Variants in EFCAB6 observed in about 807,000 individuals in gnomAD.
EFCAB6 encodes EF-hand calcium binding domain 6, also known as EF-hand calcium-binding domain-containing protein 6.
In EFCAB6, 156 loss-of-function variants were observed where a neutral mutation model predicts 169.8. The ratio of observed to expected loss-of-function variants is 0.92; its 90% CI spans 0.81 to 1.05. The LOEUF (loss-of-function observed/expected upper bound fraction) is 1.05, where lower values mean the gene tolerates loss of function less well. Among genes scored for constraint, EFCAB6 ranks in the 50% least tolerant of loss-of-function variants. EFCAB6 has a pLI of 0.00. For missense variants in EFCAB6, 1,800 were observed against 1,829.1 expected, an observed-to-expected ratio of 0.98 and a Z score of 0.29; for synonymous variants, 698 against 676.4, an observed-to-expected ratio of 1.03 and a Z score of -0.50.
In EFCAB6 at chr22:43,528,905, G is replaced by A. The variant is rs369150113; in HGVS notation, c.4454C>T (p.Thr1485Met). ...GTTGTAGGAGATTTTTGAAGACAGCGTCTTATCGTAATACTCCAGAATATG... is the reference window on the plus strand; with the variant it reads ...GTTGTAGGAGATTTTTGAAGACAGCATCTTATCGTAATACTCCAGAATATG... ...FFHILEYYDKTLSSKISYNDF... is the reference protein window; with the variant it reads ...FFHILEYYDKMLSSKISYNDF... Residue 1485 changes from threonine (T) to methionine (M), a missense_variant, in exon 32 of 32, where the codon ACG (threonine) becomes ATG (methionine). By Grantham distance (81) the Thr-to-Met change is moderately conservative. Coordinates refer to ENST00000262726, the MANE Select transcript of EFCAB6 (RefSeq NM_022785.4). The A allele has an allele frequency of 1.3e-4, 206 of 1,611,598 alleles. 3 individuals carry two copies. In the Middle Eastern group the frequency reaches 1.5e-3, roughly 12 times the overall value.
In EFCAB6 at chr22:43,667,237, T is replaced by C. The variant is rs761963002; in HGVS notation, c.1850A>G (p.Lys617Arg). The C allele has an allele frequency of 6.2e-7, 1 of 1,614,136 alleles. No homozygotes were observed. The highest frequency in any genetic ancestry group is 8.5e-7 in the Non-Finnish European group (1 of 1,179,986). The change falls in exon 17 of 32, where the codon AAG (lysine) becomes AGG (arginine). Residue 617 changes from lysine to arginine, a missense_variant. Physicochemically the swap from Lys to Arg is conservative, Grantham distance 26. Transcript: ENST00000262726. ...AATCACTTCTTCTGTGGTCATCTTC[T>C]TGGTCAGGGTGGTTTTATCCTCCGT... ...KLTEDKTTLT[K>R]KMTTEEVIEK...
intron 2 of EFCAB6, among the ~76,000 whole-genome samples, chr22:43,784,675 A>ACACATATATATGTATATG: frequency 2.3e-5 from 1 of 43,088 alleles, no homozygotes; most frequent in Non-Finnish European, 4.5e-5. Context: ...ATATACATAT[A>ACACATATATATGTATATG]TACACACACA....
chr22:43,759,025 C>G (rs1234657464), intron 5 of EFCAB6, among the ~76,000 whole-genome samples: 1 of 152,214 alleles, frequency 6.6e-6, no homozygotes, highest in Non-Finnish European at 1.5e-5. Context: ...GAGTTCGACA[C>G]CAGCCTGACC....
intron 2 of EFCAB6, among the ~76,000 whole-genome samples, chr22:43,789,019 C>G (rs922014131): frequency 4.6e-5 from 7 of 152,094 alleles, no homozygotes; most frequent in Non-Finnish European, 8.8e-5. Context: ...ATGTCCATAA[C>G]AGGCAAATCT....
chr22:43,798,159 G>A (rs1219682937), intron 2 of EFCAB6, among the ~76,000 whole-genome samples: 1 of 152,054 alleles, frequency 6.6e-6, no homozygotes, highest in Admixed American at 6.6e-5. Context: ...GCCAAGACAG[G>A]TGAATCACAA....
Position 43,637,796 on chromosome 22 carries a change from G to A in EFCAB6, c.1984-2580C>T, listed in dbSNP as rs544951934. On this transcript the variant is annotated intron_variant, in intron 17 of 31. Transcript: ENST00000262726. ...GGCACTGGTGTTCAGGTAGAAAGCC[G>A]TGGCCCCCGCAGAAGCACACACAGC... Among the ~76,000 whole-genome samples, 10 of 152,334 alleles carry A rather than the reference G, an allele frequency of 6.6e-5. 2 individuals carry two copies. The highest frequency in any genetic ancestry group is 1.9e-4 in the African/African-American group (8 of 41,580).
At position 43,595,263 on chromosome 22, in the gene EFCAB6, G is replaced by T. The variant is rs564935435; in HGVS notation, c.2876+4806C>A. Among the ~76,000 whole-genome samples, 7 of 151,738 alleles carry T rather than the reference G, an allele frequency of 4.6e-5. No homozygotes were observed. In the South Asian group the frequency reaches 1.5e-3, roughly 32 times the overall value. ...CCAAACCTAAATTAGTAGAAAGGAA[G>T]AAATAAAATCAGAGCATAAATAAAT... On this transcript the variant is annotated intron_variant, in intron 23 of 31. Transcript: ENST00000262726.
chr22:43,632,297 T>C (rs1026075939), intron 18 of EFCAB6, 59 bp from the exon 19 acceptor site: 118 of 870,606 alleles, frequency 1.4e-4, no homozygotes, highest in South Asian at 8.5e-4. Flanking sequence ...ATTCCTTCTT[T>C]TTTTTTTTTT....
intron 17 of EFCAB6, among the ~76,000 whole-genome samples, chr22:43,663,608 A>C (rs1448922432): frequency 6.6e-6 from 1 of 152,214 alleles, no homozygotes; most frequent in East Asian, 1.9e-4. Flanking sequence ...AACCAGTGCA[A>C]ACTGGACTAA....
At chr22:43,538,951 C>A (rs2047539967) in intron 28 of EFCAB6, among the ~76,000 whole-genome samples, 1 of 152,182 alleles carries the variant, frequency 6.6e-6, no homozygotes. Flanking sequence ...GGGGAGAATC[C>A]ATTTTCTTGC....
intron 26 of EFCAB6, among the ~76,000 whole-genome samples, chr22:43,567,278 T>C (rs1389443735): frequency 6.6e-6 from 1 of 152,156 alleles, no homozygotes; most frequent in Non-Finnish European, 1.5e-5. Context: ...GGAATTGCCA[T>C]ACAATGCAAA....
chr22:43,637,405 T>C (rs927397030), intron 17 of EFCAB6, among the ~76,000 whole-genome samples: 1 of 152,254 alleles, frequency 6.6e-6, no homozygotes, highest in African/African-American at 2.4e-5. Flanking sequence ...CTGGCCCCTG[T>C]GGCTTATTCT....
chr22:43,667,674 T>C (rs910588767), intron 16 of EFCAB6, among the ~76,000 whole-genome samples: 1 of 152,186 alleles, frequency 6.6e-6, no homozygotes, highest in Non-Finnish European at 1.5e-5. Context: ...ATTAGAAAGC[T>C]TTAAATGAAA....
intron 26 of EFCAB6, among the ~76,000 whole-genome samples, chr22:43,558,603 T>C (rs1194966148): frequency 6.6e-6 from 1 of 152,170 alleles, no homozygotes; most frequent in African/African-American, 2.4e-5. Context: ...CAAACTTCAA[T>C]GTCTTATTTT....
intron 2 of EFCAB6, among the ~76,000 whole-genome samples, chr22:43,801,747 A>G (rs1453855854): frequency 6.6e-6 from 1 of 152,232 alleles, no homozygotes; most frequent in Non-Finnish European, 1.5e-5. Flanking sequence ...AAAGCAATGG[A>G]CTAAAACATA....
intron 17 of EFCAB6, among the ~76,000 whole-genome samples, chr22:43,639,609 G>A (rs1480744852): frequency 1.3e-5 from 2 of 152,126 alleles, no homozygotes. Flanking sequence ...CTTTTCAGCA[G>A]TTTGTCTGTT....
intron 2 of EFCAB6, among the ~76,000 whole-genome samples, chr22:43,792,338 G>A (rs1184866910): frequency 2.0e-5 from 3 of 152,148 alleles, no homozygotes; most frequent in Admixed American, 6.5e-5. Flanking sequence ...AAAAAGTTGG[G>A]TTTAATTTGG....
intron 20 of EFCAB6, among the ~76,000 whole-genome samples, chr22:43,616,322 G>C (rs2053679550): frequency 6.6e-6 from 1 of 152,188 alleles, no homozygotes. Flanking sequence ...AGAAACATTG[G>C]GGGAACTTCT....
Position 43,582,999 on chromosome 22 carries a change from C to T in EFCAB6, c.3033-2340G>A, listed in dbSNP as rs117255744. Among the ~76,000 whole-genome samples the T allele has an allele frequency of 4.8e-4, 73 of 152,230 alleles. No individual in the cohort carries two copies. The East Asian group carries it at 0.014, about 29-fold the overall frequency. On this transcript the variant is annotated intron_variant, in intron 24 of 31. Coordinates refer to ENST00000262726, the MANE Select transcript of EFCAB6 (RefSeq NM_022785.4). ...GACCCTCCAAATTCCCAGTCTCTGT[C>T]TCATAAATTATTAGCTGAACTGTTT...
Sources: allele counts gnomAD v4.1 joint callset (sites outside exome capture counted in the v4.1 genomes callset), GRCh38; gene constraint gnomAD v4.1.1; transcripts MANE v1.5; gene names NCBI Gene and HGNC (gene_info 2026-07-23, HGNC 2026-07-21).